AHCYL2: variants seen among roughly 807,000 people sequenced by gnomAD.
AHCYL2 encodes the protein S-adenosylhomocysteine hydrolase-like protein 2.
AHCYL2 carries 28 observed loss-of-function variants against 81.4 expected under a neutral mutation model. The observed-to-expected ratio is 0.34, with a 90% confidence interval of 0.25 to 0.47. The LOEUF is 0.47. Ranked by LOEUF, AHCYL2 falls within the 20% of genes least tolerant of loss-of-function variation. The pLI, the probability that AHCYL2 is intolerant of heterozygous loss-of-function variation, is 1.00. For synonymous variants in AHCYL2, 272 were observed against 290.2 expected (o/e 0.94, Z 0.64); for missense variants, 551 against 785.1 (o/e 0.70, Z 3.56).
In AHCYL2 at chr7:129,330,722, A is replaced by G. The variant is rs567907425; in HGVS notation, c.364-48916A>G. 6.6e-5 allele frequency among the ~76,000 whole-genome samples: 10 copies of G among 152,256 alleles called. No homozygotes were observed. In the East Asian group the frequency reaches 7.7e-4, roughly 12 times the overall value. On this transcript the variant is annotated intron_variant, in intron 1 of 16. Transcript: ENST00000325006. ...GTGATCCACCCGCCTTGGCCTCCCA[A>G]AGTGCTGGGATTACAGGCGTGAGCC...
chr7:129,233,785 C>T (rs1563160111), intron 1 of AHCYL2, among the ~76,000 whole-genome samples: 1 of 152,148 alleles, frequency 6.6e-6, no homozygotes, highest in Admixed American at 6.6e-5. Flanking sequence ...GTGCCCAGCT[C>T]TTATTTCTAA....
chr7:129,306,361 C>T (rs530827215), intron 1 of AHCYL2, among the ~76,000 whole-genome samples: 4 of 152,122 alleles, frequency 2.6e-5, no homozygotes, highest in African/African-American at 9.6e-5. Flanking sequence ...TTGAGCAATT[C>T]TGCTATTAAG....
At chr7:129,375,703 G>C (rs1794648375) in intron 1 of AHCYL2, 3 of 1,442,530 alleles carry the variant, frequency 2.1e-6, no homozygotes, top group Non-Finnish European at 2.7e-6. Flanking sequence ...TGCTGAAGGG[G>C]TTGTTGGAGC....
intron 1 of AHCYL2, among the ~76,000 whole-genome samples, chr7:129,242,955 A>G (rs1794915517): frequency 6.8e-6 from 1 of 147,252 alleles, no homozygotes; most frequent in Non-Finnish European, 1.5e-5. Context: ...TCCTTTTTTC[A>G]TATCCTTTCC....
chr7:129,290,631 T>A (rs1043497491), intron 1 of AHCYL2, among the ~76,000 whole-genome samples: 10 of 151,752 alleles, frequency 6.6e-5, no homozygotes, highest in Admixed American at 2.0e-4. Context: ...AAAAACATGT[T>A]TTTTAAAAAG....
In AHCYL2 at chr7:129,324,098, G is replaced by A. The variant is rs1798134862; in HGVS notation, c.364-55540G>A. On this transcript the variant is annotated intron_variant, in intron 1 of 16. Coordinates refer to ENST00000325006, the MANE Select transcript of AHCYL2 (RefSeq NM_015328.4). ...ATTTTTGTAGATGTTGGCCAGGATG[G>A]TCTTGAACTCCTGACCTTTGATGAT... 3.3e-5 allele frequency among the ~76,000 whole-genome samples: 5 copies of A among 152,144 alleles called. No individual in the cohort carries two copies. The South Asian group carries it at 1.0e-3, about 32-fold the overall frequency.
chr7:129,364,400 C>T (rs1263776741), intron 1 of AHCYL2, among the ~76,000 whole-genome samples: 4 of 152,116 alleles, frequency 2.6e-5, no homozygotes, highest in Non-Finnish European at 5.9e-5. Flanking sequence ...AAGCAATTCT[C>T]CTGCCTCAGC....
chr7:129,353,824 G>C (rs914327729), intron 1 of AHCYL2, among the ~76,000 whole-genome samples: 3 of 151,370 alleles, frequency 2.0e-5, no homozygotes, highest in Non-Finnish European at 2.9e-5. Context: ...GAATCTTCAA[G>C]AATTCCCACA....
At chr7:129,232,177 G>T (rs1794469649) in intron 1 of AHCYL2, among the ~76,000 whole-genome samples, 1 of 152,038 alleles carries the variant, frequency 6.6e-6, no homozygotes, top group Non-Finnish European at 1.5e-5. Flanking sequence ...CCTTTTCTTG[G>T]AAACTCTTCT....
intron 1 of AHCYL2, among the ~76,000 whole-genome samples, chr7:129,365,634 A>ATATATATATATATATG (rs1794085689): frequency 6.7e-6 from 1 of 148,394 alleles, no homozygotes; most frequent in Non-Finnish European, 1.5e-5. Context: ...TAGAGTATAT[A>ATATATATATATATATG]TATATATATA....
intron 1 of AHCYL2, chr7:129,375,759 A>G: frequency 6.7e-7 from 1 of 1,498,818 alleles, no homozygotes; most frequent in East Asian, 2.5e-5. Context: ...TCCCCAGCCC[A>G]AAAAGCTGGC....
rs10526470 is a variant in AHCYL2 at position 129,365,628 on chromosome 7, G to GTATA, written c.364-13996_364-13993dup. On this transcript the variant is annotated intron_variant, in intron 1 of 16. Coordinates refer to ENST00000325006, the MANE Select transcript of AHCYL2 (RefSeq NM_015328.4). ...TAATACAGTTTACCTGGAGGATAGA[G>GTATA]TATATATATATATATATGGGTATGA... Among the ~76,000 whole-genome samples, 89 of 124,344 alleles carry GTATA rather than the reference G, an allele frequency of 7.2e-4. 9 individuals carry two copies. Among genetic ancestry groups the GTATA allele is most frequent in the African/African-American group, 2.4e-3 (72 of 30,008 alleles). The allele number at this position is 124,344 out of a possible 152,430, so 81.6% of individuals were successfully genotyped here. A position where few individuals can be genotyped will look rare whatever the true frequency, so the allele number is the denominator to read the frequency against.
chr7:129,238,131 C>G (rs966851398), intron 1 of AHCYL2, among the ~76,000 whole-genome samples: 1 of 152,160 alleles, frequency 6.6e-6, no homozygotes, highest in Non-Finnish European at 1.5e-5. Flanking sequence ...TCAAAGTTGA[C>G]ATTAACTGCG....
intron 1 of AHCYL2, among the ~76,000 whole-genome samples, chr7:129,328,227 G>C (rs1382930383): frequency 6.6e-6 from 1 of 152,176 alleles, no homozygotes; most frequent in Non-Finnish European, 1.5e-5. Context: ...GCCCAGGCTG[G>C]AGTGCAGTGG....
chr7:129,230,747 A>G (rs1206239360), intron 1 of AHCYL2, among the ~76,000 whole-genome samples: 2 of 151,058 alleles, frequency 1.3e-5, no homozygotes, highest in Non-Finnish European at 2.9e-5. Flanking sequence ...TAATTTTTGT[A>G]TTTTTAGTAG....
rs544894398 is a variant in AHCYL2, at chr7:129,416,732, G to A, written c.1461+3044G>A. 1.4e-4 allele frequency among the ~76,000 whole-genome samples: 21 copies of A among 152,176 alleles called. No individual in the cohort carries two copies. In the South Asian group the frequency reaches 3.3e-3, roughly 24 times the overall value. On this transcript the variant is annotated intron_variant, in intron 12 of 16. Coordinates refer to ENST00000325006, the MANE Select transcript of AHCYL2 (RefSeq NM_015328.4). The stretch of plus-strand genomic sequence containing the variant: ...GAAGAATTGCTTGAACCCGAGAGGC[G>A]GAGATTGCAGTGAGCCAAGATCGCA...
intron 1 of AHCYL2, among the ~76,000 whole-genome samples, chr7:129,290,236 G>A (rs1029029956): frequency 1.3e-5 from 2 of 152,130 alleles, no homozygotes; most frequent in Admixed American, 6.5e-5. Context: ...GGGCACGGTG[G>A]CTCATGCCTG....
intron 1 of AHCYL2, among the ~76,000 whole-genome samples, chr7:129,235,467 G>C (rs1399876397): frequency 6.6e-6 from 1 of 151,964 alleles, no homozygotes; most frequent in East Asian, 1.9e-4. Context: ...GTGTCACCCA[G>C]GCTGGAGTGC....
At chr7:129,340,529 C>G (rs1793139340) in intron 1 of AHCYL2, among the ~76,000 whole-genome samples, 1 of 149,742 alleles carries the variant, frequency 6.7e-6, no homozygotes, top group African/African-American at 2.5e-5. Flanking sequence ...GATCGCGCCA[C>G]TGCACTCCAG....
Sources: gnomAD v4.1 joint callset for allele counts (sites outside exome capture counted in the v4.1 genomes callset) on GRCh38, gnomAD v4.1.1 for gene constraint, MANE v1.5 for transcripts, NCBI Gene and HGNC (gene_info 2026-07-23, HGNC 2026-07-21) for gene names.